Variants in SLC9A9 observed in about 807,000 individuals in gnomAD.
The protein encoded by SLC9A9 is sodium/hydrogen exchanger 9.
In SLC9A9, 62 loss-of-function variants were observed where a neutral mutation model predicts 77.8. That is an observed-to-expected ratio of 0.80 (90% confidence interval 0.65 to 0.98). The LOEUF is 0.98. Among genes scored for constraint, SLC9A9 ranks in the 50% least tolerant of loss-of-function variants. The probability of loss-of-function intolerance (pLI) is 0.00; values close to 1 mark genes in which losing one functional copy is unlikely to be tolerated. For synonymous variants in SLC9A9, 320 were observed against 283.5 expected (o/e 1.13, Z -1.29); for missense variants, 775 against 774.9 (o/e 1.00, Z 0.00).
chr3:143,455,538 A>C (rs1265072287), intron 12 of SLC9A9, among the ~76,000 whole-genome samples: 1 of 152,186 alleles, frequency 6.6e-6, no homozygotes, highest in East Asian at 1.9e-4. Flanking sequence ...TAGTCTTCTA[A>C]TTCATAAACA....
At chr3:143,476,270 T>C (rs1056718855) in intron 11 of SLC9A9, among the ~76,000 whole-genome samples, 2 of 152,200 alleles carry the variant, frequency 1.3e-5, no homozygotes, top group East Asian at 1.9e-4. Flanking sequence ...CATTCAAAAA[T>C]AAATTGAGTT....
chr3:143,790,126 G>A (rs1467284183), intron 4 of SLC9A9, among the ~76,000 whole-genome samples: 1 of 152,028 alleles, frequency 6.6e-6, no homozygotes, highest in Admixed American at 6.6e-5. Context: ...TTTTATAAGG[G>A]GCTCTTCCCT....
chr3:143,722,849 A>C (rs1934539707), intron 4 of SLC9A9, among the ~76,000 whole-genome samples: 1 of 152,166 alleles, frequency 6.6e-6, no homozygotes, highest in Admixed American at 6.5e-5. Flanking sequence ...TTCCTATTTT[A>C]ATATTTGCTG....
rs560754984 is a variant in SLC9A9 at position 143,743,209 on chromosome 3, G to A, written c.534-49902C>T. Reference sequence around the variant, plus strand: ...AGGATGGATGGATAGATGGATAGATGGATGGATGGATGGATGGATGGATGG... The same window carrying A: ...AGGATGGATGGATAGATGGATAGATAGATGGATGGATGGATGGATGGATGG... On this transcript the variant is annotated intron_variant, in intron 4 of 15. Transcript: ENST00000316549. Among the ~76,000 whole-genome samples, 6 of 100,182 alleles carry A rather than the reference G, an allele frequency of 6.0e-5. No individual in the cohort carries two copies. The East Asian group carries it at 1.4e-3, about 24-fold the overall frequency. 65.7% of individuals were successfully genotyped at this position (100,182 alleles called of 152,430 possible).
intron 12 of SLC9A9, among the ~76,000 whole-genome samples, chr3:143,420,120 C>T (rs968709723): frequency 4.6e-5 from 7 of 152,266 alleles, no homozygotes; most frequent in Non-Finnish European, 8.8e-5. Flanking sequence ...GTGGGCTGAA[C>T]AGAAAGAAGG....
At chr3:143,702,682 C>A (rs1933838205) in intron 4 of SLC9A9, among the ~76,000 whole-genome samples, 1 of 151,404 alleles carries the variant, frequency 6.6e-6, no homozygotes, top group African/African-American at 2.4e-5. Context: ...AACAGGACAA[C>A]AAATAACAAA....
At chr3:143,776,391 T>C (rs2007693088) in intron 4 of SLC9A9, among the ~76,000 whole-genome samples, 1 of 152,234 alleles carries the variant, frequency 6.6e-6, no homozygotes, top group Non-Finnish European at 1.5e-5. Flanking sequence ...TTCTTGTTAG[T>C]GATTTAATGG....
intron 8 of SLC9A9, among the ~76,000 whole-genome samples, chr3:143,566,687 T>A (rs755247401): frequency 3.3e-5 from 5 of 152,230 alleles, no homozygotes; most frequent in Non-Finnish European, 5.9e-5. Flanking sequence ...CTGCCTCCAA[T>A]GAACATAAAA....
chr3:143,381,503 T>A (rs1234491651), intron 13 of SLC9A9: 2 of 157,458 alleles, frequency 1.3e-5, no homozygotes, highest in Non-Finnish European at 2.8e-5. Context: ...TATGTCTTCA[T>A]CAGCATTATG....
At chr3:143,689,207 A>G (rs1248954469) in intron 5 of SLC9A9, among the ~76,000 whole-genome samples, 1 of 152,094 alleles carries the variant, frequency 6.6e-6, no homozygotes, top group African/African-American at 2.4e-5. Flanking sequence ...GGCATCTAGG[A>G]AAATTACAAA....
chr3:143,375,561 C>T (rs569378140), intron 13 of SLC9A9, among the ~76,000 whole-genome samples: 16 of 152,290 alleles, frequency 1.1e-4, no homozygotes, highest in African/African-American at 3.9e-4. Context: ...AGATGAGAAT[C>T]ATGTGGTGCA....
rs112500748 is a variant in SLC9A9 at position 143,517,022 on chromosome 3, T to C, written c.1090-21574A>G. 6.8e-3 allele frequency: 4,914 copies of C among 727,662 alleles called. 18 individuals are homozygous for C. The highest frequency in any genetic ancestry group is 9.7e-3 in the Non-Finnish European group (4,197 of 430,726). 45.1% of individuals were successfully genotyped at this position (727,662 alleles called of 1,614,324 possible). The stretch of plus-strand genomic sequence containing the variant: ...AATAGTGAGTTTGAGCAATTTCTGT[T>C]TATTGAGTAATTGAAATTCTTGTTT... On this transcript the variant is annotated intron_variant, in intron 9 of 15. Coordinates refer to ENST00000316549, the MANE Select transcript of SLC9A9 (RefSeq NM_173653.4).
intron 14 of SLC9A9, among the ~76,000 whole-genome samples, chr3:143,285,463 A>C (rs971851676): frequency 1.3e-5 from 2 of 152,174 alleles, no homozygotes; most frequent in African/African-American, 4.8e-5. Context: ...CCATGGCTAC[A>C]TAAGTATGAA....
intron 14 of SLC9A9, among the ~76,000 whole-genome samples, chr3:143,273,996 C>T (rs373032421): frequency 1.3e-5 from 2 of 152,284 alleles, no homozygotes; most frequent in South Asian, 2.1e-4. Context: ...TCTCTGAACC[C>T]AGACATATAT....
chr3:143,652,481 C>T, intron 5 of SLC9A9, 121 bp from the exon 6 acceptor site: 1 of 762,784 alleles, frequency 1.3e-6, no homozygotes, highest in Non-Finnish European at 2.3e-6. Flanking sequence ...AATGACTATA[C>T]TAACACCAGA....
chr3:143,328,858 C>T (rs942510581), intron 14 of SLC9A9, among the ~76,000 whole-genome samples: 1 of 152,186 alleles, frequency 6.6e-6, no homozygotes, highest in African/African-American at 2.4e-5. Flanking sequence ...TCTAATAACA[C>T]TGTCCTTGCC....
intron 6 of SLC9A9, among the ~76,000 whole-genome samples, chr3:143,584,094 A>G (rs1264096719): frequency 1.3e-5 from 2 of 152,170 alleles, no homozygotes; most frequent in Admixed American, 6.6e-5. Flanking sequence ...TATTATATAG[A>G]TGGCACCACA....
chr3:143,390,814 G>A (rs775200599), intron 12 of SLC9A9, among the ~76,000 whole-genome samples: 12 of 152,240 alleles, frequency 7.9e-5, no homozygotes, highest in Non-Finnish European at 1.5e-4. Context: ...TCCTGGGCCT[G>A]GCTCAGAGGG....
intron 6 of SLC9A9, among the ~76,000 whole-genome samples, chr3:143,602,709 G>A (rs1478691930): frequency 6.6e-6 from 1 of 152,164 alleles, no homozygotes; most frequent in Non-Finnish European, 1.5e-5. Flanking sequence ...GCTTAGCTCT[G>A]TATTATTGGG....
Sources: allele counts gnomAD v4.1 joint callset (sites outside exome capture counted in the v4.1 genomes callset), GRCh38; gene constraint gnomAD v4.1.1; transcripts MANE v1.5; gene names NCBI Gene and HGNC (gene_info 2026-07-23, HGNC 2026-07-21).